Variants in ARHGEF28 observed in about 807,000 individuals in gnomAD.
The protein encoded by ARHGEF28 is 190 kDa guanine nucleotide exchange factor.
In ARHGEF28, 152 loss-of-function variants were observed where a neutral mutation model predicts 206.6. The ratio of observed to expected loss-of-function variants is 0.74; its 90% confidence interval spans 0.64 to 0.84. The LOEUF is 0.84. Ranked by LOEUF, ARHGEF28 falls within the 40% of genes least tolerant of loss-of-function variation. ARHGEF28 has a pLI of 0.00. For missense variants in ARHGEF28, 2,028 were observed against 2,073.2 expected (o/e 0.98, Z 0.42); for synonymous variants, 763 against 776.4 (o/e 0.98, Z 0.29).
intron 10 of ARHGEF28, among the ~76,000 whole-genome samples, chr5:73,839,949 C>A (rs997271316): frequency 2.0e-5 from 3 of 152,100 alleles, no homozygotes; most frequent in Admixed American, 6.5e-5. Flanking sequence ...GTTTTCTCCT[C>A]AAGTATTTAA....
intron 1 of ARHGEF28, among the ~76,000 whole-genome samples, chr5:73,633,556 AAAC>A (rs1243330031): frequency 6.6e-6 from 1 of 151,614 alleles, no homozygotes; most frequent in Non-Finnish European, 1.5e-5. Flanking sequence ...ACTCCTCAAT[AAAC>A]AATACCTTTA....
At chr5:73,671,638 T>A (rs1037055702) in intron 1 of ARHGEF28, among the ~76,000 whole-genome samples, 12 of 144,732 alleles carry the variant, frequency 8.3e-5, no homozygotes, top group Non-Finnish European at 1.5e-4. Context: ...ACAGCGATAC[T>A]TAGGTGTGCC....
chr5:73,643,944 A>G (rs1335275361), intron 1 of ARHGEF28, among the ~76,000 whole-genome samples: 1 of 152,166 alleles, frequency 6.6e-6, no homozygotes, highest in Admixed American at 6.5e-5. Context: ...TGCCTATTTG[A>G]GCATCAGATG....
chr5:73,900,583 A>T (rs539837936), intron 30 of ARHGEF28: 153 of 152,340 alleles, frequency 1.0e-3, no homozygotes, highest in African/African-American at 3.6e-3. Flanking sequence ...AAAACAACAC[A>T]TTTAGAAATT....
intron 2 of ARHGEF28, among the ~76,000 whole-genome samples, chr5:73,709,215 C>T (rs1749108459): frequency 6.6e-6 from 1 of 152,126 alleles, no homozygotes; most frequent in Non-Finnish European, 1.5e-5. Context: ...TTACATACAG[C>T]AAAATTTACT....
chr5:73,737,944 C>G (rs978296464), intron 2 of ARHGEF28, among the ~76,000 whole-genome samples: 2 of 152,192 alleles, frequency 1.3e-5, no homozygotes, highest in African/African-American at 4.8e-5. Context: ...CATGCTATGA[C>G]TGGGCTGGCC....
At chr5:73,770,614 G>A (rs998155966) in intron 4 of ARHGEF28, among the ~76,000 whole-genome samples, 18 of 152,138 alleles carry the variant, frequency 1.2e-4, no homozygotes, top group South Asian at 8.3e-4. Flanking sequence ...GCTGGCTGCC[G>A]TTAAGAAATC....
At chr5:73,693,202 G>A (rs1403001431) in intron 2 of ARHGEF28, among the ~76,000 whole-genome samples, 2 of 152,122 alleles carry the variant, frequency 1.3e-5, no homozygotes, top group African/African-American at 4.8e-5. Flanking sequence ...ACCTTCACTG[G>A]TAACGACCTT....
chr5:73,919,857 T>C (rs933893253), intron 35 of ARHGEF28, among the ~76,000 whole-genome samples: 1 of 152,226 alleles, frequency 6.6e-6, no homozygotes, highest in Non-Finnish European at 1.5e-5. Flanking sequence ...TTGTTAGCAC[T>C]TATAATTTGA....
chr5:73,832,315 C>T (rs762300831), intron 9 of ARHGEF28, 23 bp from the exon 10 acceptor site: 2 of 1,610,426 alleles, frequency 1.2e-6, no homozygotes, highest in Admixed American at 1.7e-5. Flanking sequence ...TTTATTTGCC[C>T]TGTTTTCATT....
chr5:73,865,382 G>GA (rs1274564831), intron 17 of ARHGEF28, among the ~76,000 whole-genome samples: 1 of 152,172 alleles, frequency 6.6e-6, no homozygotes, highest in East Asian at 1.9e-4. Flanking sequence ...CTGTAGTTGG[G>GA]AATGGGCTGG....
Position 73,857,504 on chromosome 5 carries a change from G to A in ARHGEF28, c.1791-152G>A, listed in dbSNP as rs72772531. ...CTATAGGGTGTATTTTTAATGAATT[G>A]TTTTTCTCTTTAGAACAGCCACTAA... On this transcript the variant is annotated intron_variant, in intron 14 of 35. Coordinates refer to ENST00000513042, the MANE Select transcript of ARHGEF28 (RefSeq NM_001177693.2). Among the ~76,000 whole-genome samples the A allele has an allele frequency of 0.037, 5,566 of 151,404 alleles. 170 individuals are homozygous for A. Among genetic ancestry groups the A allele is most frequent in the Non-Finnish European group, 0.052 (3,549 of 67,878 alleles).
chr5:73,717,459 C>T (rs992580481), intron 2 of ARHGEF28, among the ~76,000 whole-genome samples: 1 of 152,150 alleles, frequency 6.6e-6, no homozygotes. Context: ...CCATCTAGTC[C>T]TTTCTGGGAA....
At chr5:73,704,796 A>G (rs955290005) in intron 2 of ARHGEF28, among the ~76,000 whole-genome samples, 7 of 152,150 alleles carry the variant, frequency 4.6e-5, no homozygotes, top group South Asian at 4.1e-4. Context: ...ATTTTGCCTC[A>G]TCATACAGTT....
chr5:73,681,956 C>T (rs538105686), intron 1 of ARHGEF28, among the ~76,000 whole-genome samples: 17 of 152,230 alleles, frequency 1.1e-4, no homozygotes, highest in South Asian at 2.1e-4. Context: ...CAACTTAGCA[C>T]GCCTATCATC....
chr5:73,890,628 C>T (rs1761566811), intron 26 of ARHGEF28, among the ~76,000 whole-genome samples: 1 of 152,160 alleles, frequency 6.6e-6, no homozygotes, highest in South Asian at 2.1e-4. Context: ...AGGAGGTACT[C>T]TGGGTCACCA....
chr5:73,806,381 G>GATAT (rs10670375), intron 9 of ARHGEF28, among the ~76,000 whole-genome samples: 1 of 115,280 alleles, frequency 8.7e-6, no homozygotes, highest in Non-Finnish European at 1.7e-5. Flanking sequence ...ACTATATATA[G>GATAT]ATATATAGAT....
intron 9 of ARHGEF28, among the ~76,000 whole-genome samples, chr5:73,804,822 A>G (rs979735631): frequency 1.3e-5 from 2 of 152,060 alleles, no homozygotes; most frequent in African/African-American, 4.8e-5. Context: ...GTCACTGTTG[A>G]TATTGACCTT....
At chr5:73,829,213 G>T (rs980489007) in intron 9 of ARHGEF28, among the ~76,000 whole-genome samples, 2 of 152,198 alleles carry the variant, frequency 1.3e-5, no homozygotes, top group Admixed American at 1.3e-4. Flanking sequence ...TTGAATCATA[G>T]AGTCATGCAG....
Sources: allele counts gnomAD v4.1 joint callset (sites outside exome capture counted in the v4.1 genomes callset), GRCh38; gene constraint gnomAD v4.1.1; transcripts MANE v1.5; gene names NCBI Gene and HGNC (gene_info 2026-07-23, HGNC 2026-07-21).